DIP2C: variants seen among roughly 807,000 people sequenced by gnomAD.
The protein encoded by DIP2C is DIP2 acetate--CoA ligase C (putative).
DIP2C carries 33 observed loss-of-function variants against 192.4 expected under a neutral mutation model. The observed-to-expected ratio is 0.17, with a 90% CI of 0.13 to 0.23. The LOEUF (loss-of-function observed/expected upper bound fraction) is 0.23, where lower values mean the gene tolerates loss of function less well. DIP2C is among the 10% of genes least tolerant of loss of function. The pLI is 1.00. For missense variants in DIP2C, 1,537 were observed against 2,110.1 expected (o/e 0.73, Z 5.32); for synonymous variants, 979 against 864.1 (o/e 1.13, Z -2.33).
chr10:372,809 C>CT (rs1564629054), intron 17 of DIP2C, among the ~76,000 whole-genome samples: 5 of 151,504 alleles, frequency 3.3e-5, no homozygotes, highest in African/African-American at 1.2e-4. Flanking sequence ...CACAGGCAGG[C>CT]ACAGAAGCGC....
chr10:430,087 G>C (rs764340191), intron 4 of DIP2C, among the ~76,000 whole-genome samples: 1 of 152,160 alleles, frequency 6.6e-6, no homozygotes, highest in African/African-American at 2.4e-5. Flanking sequence ...CATTCTAATA[G>C]GTGTATAGTG....
chr10:498,998 T>C (rs1399795939), intron 1 of DIP2C, among the ~76,000 whole-genome samples: 1 of 152,250 alleles, frequency 6.6e-6, no homozygotes, highest in Non-Finnish European at 1.5e-5. Flanking sequence ...GAACAACTTC[T>C]GCTTTCCTTG....
At chr10:306,645 T>TTA (rs1338868732) in intron 32 of DIP2C, among the ~76,000 whole-genome samples, 1 of 152,184 alleles carries the variant, frequency 6.6e-6, no homozygotes, top group Non-Finnish European at 1.5e-5. Context: ...ATCAGTGCTT[T>TTA]TAGTGGCTCT....
intron 1 of DIP2C, among the ~76,000 whole-genome samples, chr10:622,392 G>GGAGGGGGAGGGAGGGAA (rs1853927361): frequency 1.6e-5 from 2 of 124,070 alleles, no homozygotes; most frequent in Non-Finnish European, 1.7e-5. Context: ...GAGGGAGGGA[G>GGAGGGGGAGGGAGGGAA]GAGGGGGAGG....
At chr10:337,103 G>A (rs1329543481) in intron 29 of DIP2C, among the ~76,000 whole-genome samples, 2 of 124,426 alleles carry the variant, frequency 1.6e-5, no homozygotes, top group African/African-American at 3.1e-5. Context: ...GTGTGTGTGC[G>A]TGTGTGTGTT....
chr10:526,821 T>C (rs1396458884), intron 1 of DIP2C, among the ~76,000 whole-genome samples: 4 of 152,164 alleles, frequency 2.6e-5, no homozygotes, highest in Non-Finnish European at 5.9e-5. Flanking sequence ...CACCATCTTC[T>C]CCCAGGGAAC....
At chr10:435,207 T>C (rs1010499156) in intron 4 of DIP2C, among the ~76,000 whole-genome samples, 4 of 152,144 alleles carry the variant, frequency 2.6e-5, no homozygotes, top group Admixed American at 2.0e-4. Flanking sequence ...GTTCTGGAGG[T>C]TGGAGTTGGA....
At chr10:449,782 T>TAAAA (rs59436219) in intron 3 of DIP2C, among the ~76,000 whole-genome samples, 56 of 127,228 alleles carry the variant, frequency 4.4e-4, no homozygotes, top group African/African-American at 1.5e-3. Flanking sequence ...AAAGTATAAT[T>TAAAA]AAAAAAAAAA....
At chr10:611,659 C>T (rs546315464) in intron 1 of DIP2C, among the ~76,000 whole-genome samples, 77 of 152,308 alleles carry the variant, frequency 5.1e-4, no homozygotes, top group Admixed American at 9.1e-4. Context: ...TCTTAAGCTT[C>T]CTTTTTTTCC....
At chr10:308,344 C>G (rs1956419835) in intron 32 of DIP2C, among the ~76,000 whole-genome samples, 1 of 151,868 alleles carries the variant, frequency 6.6e-6, no homozygotes, top group African/African-American at 2.4e-5. Context: ...AGCTCCTGTT[C>G]CTATGTACTC....
At chr10:638,577 A>T (rs1393160570) in intron 1 of DIP2C, among the ~76,000 whole-genome samples, 2 of 152,224 alleles carry the variant, frequency 1.3e-5, no homozygotes, top group Non-Finnish European at 2.9e-5. Flanking sequence ...AAATAAGTGC[A>T]TCGCCTCAAG....
chr10:381,122 C>T (rs1264355837), intron 17 of DIP2C, among the ~76,000 whole-genome samples: 1 of 152,162 alleles, frequency 6.6e-6, no homozygotes, highest in East Asian at 1.9e-4. Context: ...ATTGGCTTCT[C>T]TCCTAAAGAT....
At chr10:545,165 C>CTTT (rs1564836000) in intron 1 of DIP2C, among the ~76,000 whole-genome samples, 2 of 91,888 alleles carry the variant, frequency 2.2e-5, no homozygotes, top group African/African-American at 5.7e-5. Flanking sequence ...TGGTGTTTTC[C>CTTT]CTTTTTTTTT....
chr10:522,455 T>C lies in DIP2C; in HGVS notation c.86-35925A>G, dbSNP rs969297709. On this transcript the variant is annotated intron_variant, in intron 1 of 36. Coordinates refer to ENST00000280886, the MANE Select transcript of DIP2C (RefSeq NM_014974.3). Reference sequence around the variant, plus strand: ...ATGTCCAGGACTGTGGTTGCTCCTGTGGTCGGAGTGCTTAGTTCCATGGGA... The same window carrying C: ...ATGTCCAGGACTGTGGTTGCTCCTGCGGTCGGAGTGCTTAGTTCCATGGGA... Among the ~76,000 whole-genome samples the C allele has an allele frequency of 4.6e-5, 7 of 152,384 alleles. No homozygotes were observed. The East Asian group carries it at 1.4e-3, about 29-fold the overall frequency.
chr10:613,813 C>T (rs1187066740), intron 1 of DIP2C, among the ~76,000 whole-genome samples: 3 of 151,862 alleles, frequency 2.0e-5, no homozygotes, highest in Non-Finnish European at 2.9e-5. Context: ...CCCTGTGCCC[C>T]GGGAAACATG....
chr10:471,264 C>A (rs1465714058), intron 3 of DIP2C, among the ~76,000 whole-genome samples: 2 of 152,072 alleles, frequency 1.3e-5, no homozygotes, highest in African/African-American at 4.8e-5. Context: ...CTCTCTGAGG[C>A]CATAAAATCT....
At chr10:506,509 C>A (rs998443465) in intron 1 of DIP2C, among the ~76,000 whole-genome samples, 7 of 152,128 alleles carry the variant, frequency 4.6e-5, no homozygotes, top group African/African-American at 1.7e-4. Context: ...GGCAGGGCCA[C>A]TCACAGAGCA....
chr10:430,157 CAT>C (rs1966843992), intron 4 of DIP2C: 1 of 152,360 alleles, frequency 6.6e-6, no homozygotes, highest in African/African-American at 2.4e-5. Context: ...AGCGTCATTT[CAT>C]ATGTCGATTT....
At chr10:416,021 G>T in intron 6 of DIP2C, 133 bp from the exon 7 acceptor site, 1 of 1,366,116 alleles carries the variant, frequency 7.3e-7, no homozygotes, top group Non-Finnish European at 1.0e-6. Context: ...TCCTGGGAAG[G>T]GCCCGAGGTG....
Sources: gnomAD v4.1 joint callset for allele counts (sites outside exome capture counted in the v4.1 genomes callset) on GRCh38, gnomAD v4.1.1 for gene constraint, MANE v1.5 for transcripts, NCBI Gene and HGNC (gene_info 2026-07-23, HGNC 2026-07-21) for gene names.